The following KCNT2 variants were observed in gnomAD, a reference collection of about 807,000 sequenced individuals.
The protein encoded by KCNT2 is potassium channel subfamily T member 2.
Under a neutral mutation model 153.8 loss-of-function variants are expected in KCNT2, and 67 were observed. That is an observed-to-expected ratio of 0.44 (90% confidence interval 0.36 to 0.53). KCNT2 has a LOEUF of 0.53. Among genes scored for constraint, KCNT2 ranks in the 20% least tolerant of loss-of-function variants. KCNT2 has a pLI of 0.00. For missense variants in KCNT2, 975 were observed against 1,354.8 expected (o/e 0.72, Z 4.40); for synonymous variants, 500 against 458.8 (o/e 1.09, Z -1.15).
intron 13 of KCNT2, among the ~76,000 whole-genome samples, chr1:196,384,923 T>C (rs1477422605): frequency 1.3e-5 from 2 of 152,068 alleles, no homozygotes; most frequent in Non-Finnish European, 2.9e-5. Context: ...TCTATTTTTA[T>C]GGAATAAGAG....
At chr1:196,325,072 G>A (rs146353436) in intron 19 of KCNT2, among the ~76,000 whole-genome samples, 2 of 152,072 alleles carry the variant, frequency 1.3e-5, no homozygotes, top group Non-Finnish European at 2.9e-5. Flanking sequence ...CAAGACTGAA[G>A]ATTGAAAATG....
chr1:196,254,617 G>A (rs1272587634), intron 26 of KCNT2, among the ~76,000 whole-genome samples: 1 of 151,488 alleles, frequency 6.6e-6, no homozygotes, highest in East Asian at 1.9e-4. Flanking sequence ...AAACTTATGA[G>A]CTGAAAACAG....
chr1:196,359,396 T>A (rs534888925), intron 14 of KCNT2, among the ~76,000 whole-genome samples: 1 of 152,168 alleles, frequency 6.6e-6, no homozygotes, highest in African/African-American at 2.4e-5. Context: ...TAAAAATTTC[T>A]TTTTCCTTGT....
chr1:196,467,561 A>G (rs966954683), intron 7 of KCNT2, 142 bp downstream of exon 7: 1 of 440,800 alleles, frequency 2.3e-6, no homozygotes, highest in Non-Finnish European at 4.2e-6. Flanking sequence ...TTCCAATAGT[A>G]TGAGTTAAAC....
intron 26 of KCNT2, among the ~76,000 whole-genome samples, chr1:196,246,450 T>C (rs914733455): frequency 6.6e-6 from 1 of 152,172 alleles, no homozygotes; most frequent in Non-Finnish European, 1.5e-5. Flanking sequence ...TCATTGGTAA[T>C]AGTAAATACA....
chr1:196,322,725 T>C (rs1663448651), intron 19 of KCNT2, among the ~76,000 whole-genome samples: 1 of 151,940 alleles, frequency 6.6e-6, no homozygotes, highest in South Asian at 2.1e-4. Flanking sequence ...TAAAAATTAA[T>C]TTCTTTATTT....
intron 13 of KCNT2, among the ~76,000 whole-genome samples, chr1:196,392,803 G>T: frequency 6.6e-6 from 1 of 151,232 alleles, no homozygotes; most frequent in South Asian, 2.1e-4. Context: ...TTTTATAATG[G>T]GAATCAAACT....
At chr1:196,482,281 A>G in intron 4 of KCNT2, 50 bp downstream of exon 4, 2 of 1,167,576 alleles carry the variant, frequency 1.7e-6, no homozygotes, top group Non-Finnish European at 1.2e-6. Context: ...CTTCTCTGTG[A>G]AATGTGAATA....
intron 13 of KCNT2, among the ~76,000 whole-genome samples, chr1:196,383,678 T>C (rs1293133730): frequency 6.6e-6 from 1 of 152,216 alleles, no homozygotes; most frequent in African/African-American, 2.4e-5. Flanking sequence ...TCATTTTTAC[T>C]GTAACCCTCA....
At chr1:196,317,408 A>G (rs1662829098) in intron 20 of KCNT2, 3 of 258,812 alleles carry the variant, frequency 1.2e-5, no homozygotes, top group Non-Finnish European at 8.0e-6. Flanking sequence ...GAAATTTATC[A>G]TAATTTTTCT....
chr1:196,454,186 G>A (rs954939510), intron 8 of KCNT2, among the ~76,000 whole-genome samples: 3 of 151,820 alleles, frequency 2.0e-5, no homozygotes, highest in Non-Finnish European at 4.4e-5. Flanking sequence ...CAGATACAAC[G>A]ATTGTTGCAA....
At chr1:196,374,757 G>A (rs1446592227) in intron 13 of KCNT2, among the ~76,000 whole-genome samples, 1 of 151,598 alleles carries the variant, frequency 6.6e-6, no homozygotes, top group African/African-American at 2.4e-5. Context: ...AAAATAGAGT[G>A]ACAAAACTGC....
At chr1:196,245,651 A>G (rs1160475797) in intron 26 of KCNT2, among the ~76,000 whole-genome samples, 1 of 152,244 alleles carries the variant, frequency 6.6e-6, no homozygotes, top group African/African-American at 2.4e-5. Context: ...TCCTAACAAA[A>G]AAATTAACAA....
At chr1:196,392,739 A>C (rs1011091584) in intron 13 of KCNT2, among the ~76,000 whole-genome samples, 1 of 151,454 alleles carries the variant, frequency 6.6e-6, no homozygotes, top group Non-Finnish European at 1.5e-5. Flanking sequence ...TTTCTGGTCA[A>C]ATCATTTCTC....
chr1:196,481,893 GAGTCATTGT>G (rs1192985530), intron 4 of KCNT2, among the ~76,000 whole-genome samples: 1 of 152,080 alleles, frequency 6.6e-6, no homozygotes, highest in African/African-American at 2.4e-5. Context: ...TTGGTGATAT[GAGTCATTGT>G]TTCATTTGTT....
intron 1 of KCNT2, among the ~76,000 whole-genome samples, chr1:196,508,189 C>CAAAAAAAAAAAAAAAAAAAAAAAAGAAA (rs1681311303): frequency 1.7e-5 from 1 of 59,984 alleles, no homozygotes; most frequent in African/African-American, 6.9e-5. Context: ...CCCTAAGTAG[C>CAAAAAAAAAAAAAAAAAAAAAAAAGAAA]AAAAAAAAAA....
chr1:196,326,870 T>A lies in KCNT2; in HGVS notation c.2123A>T (p.Tyr708Phe). Residue 708 changes from tyrosine to phenylalanine, a missense_variant, in exon 19 of 28, where the codon TAT (tyrosine) becomes TTT (phenylalanine). Around this residue, in one of 6 missense-constraint regions of KCNT2, gnomAD observed 325 missense variants for 388.1 expected, o/e 0.84. Transcript: ENST00000294725. ...GAATCCATAGGCTTTTGCATCCTCA[T>A]AGTAGTTATGTTGGCAACTCTAGAG... ...RLDKSCQHNY[Y>F]EDAKAYGFKN... 8.9e-6 allele frequency: 14 copies of A among 1,575,218 alleles called. No individual in the cohort carries two copies. The highest frequency in any genetic ancestry group is 1.1e-5 in the Non-Finnish European group (13 of 1,167,012).
intron 14 of KCNT2, among the ~76,000 whole-genome samples, chr1:196,372,691 T>G (rs1668637939): frequency 6.6e-6 from 1 of 151,960 alleles, no homozygotes; most frequent in South Asian, 2.1e-4. Context: ...ATTATAAAAT[T>G]GCCATTTTGA....
chr1:196,467,639 A>G, intron 7 of KCNT2, 64 bp downstream of exon 7: 1 of 1,089,214 alleles, frequency 9.2e-7, no homozygotes. Context: ...TGTTTAATCT[A>G]AACATTGAAA....
Sources: gnomAD v4.1 joint callset for allele counts (sites outside exome capture counted in the v4.1 genomes callset) on GRCh38, gnomAD v4.1.1 for gene constraint, gnomAD v4.1.1 regional missense constraint, MANE v1.5 for transcripts, NCBI Gene and HGNC (gene_info 2026-07-23, HGNC 2026-07-21) for gene names.